Variants in CSMD3 observed in about 807,000 individuals in gnomAD.
The protein encoded by CSMD3 is CUB and Sushi multiple domains 3.
CSMD3 carries 177 observed loss-of-function variants against 435.2 expected under a neutral mutation model. That is an observed-to-expected ratio of 0.41 (90% CI 0.36 to 0.46). The LOEUF is 0.46. CSMD3 is among the 20% of genes least tolerant of loss of function. The probability of loss-of-function intolerance (pLI) is 0.34; values close to 1 mark genes in which losing one functional copy is unlikely to be tolerated. For missense variants in CSMD3, 4,265 were observed against 4,504.6 expected (o/e 0.95, Z 1.52); for synonymous variants, 1,656 against 1,520.5 (o/e 1.09, Z -2.07).
chr8:112,881,674 A>G (rs2081451648), intron 10 of CSMD3, among the ~76,000 whole-genome samples: 1 of 152,004 alleles, frequency 6.6e-6, no homozygotes, highest in Non-Finnish European at 1.5e-5. Flanking sequence ...ATAATAGCCA[A>G]CCGTTTCCCA....
chr8:112,680,283 G>GGGC (rs1380056591), intron 16 of CSMD3, among the ~76,000 whole-genome samples: 1 of 152,150 alleles, frequency 6.6e-6, no homozygotes, highest in East Asian at 1.9e-4. Flanking sequence ...TCTTGAACCC[G>GGGC]GGCGGCGGAG....
At chr8:112,508,324 A>G (rs142920936) in intron 28 of CSMD3, among the ~76,000 whole-genome samples, 1 of 152,314 alleles carries the variant, frequency 6.6e-6, no homozygotes, top group East Asian at 1.9e-4. Flanking sequence ...CTCACTTATC[A>G]TGACCTAGAT....
intron 22 of CSMD3, among the ~76,000 whole-genome samples, chr8:112,596,079 TAA>T (rs1324469496): frequency 1.3e-5 from 2 of 151,148 alleles, no homozygotes; most frequent in African/African-American, 4.9e-5. Flanking sequence ...GCAAATTGGA[TAA>T]AGAGTCAAGA....
At position 112,617,484 on chromosome 8, in the gene CSMD3, A is replaced by T. The variant is rs185446393; in HGVS notation, c.3715+19333T>A. ...AAAACAAACCACAATAGCTAAAAAT[A>T]TTCAAGCACATTAGTAAAGTACATG... is the stretch of plus-strand genomic sequence containing the variant. On this transcript the variant is annotated intron_variant, in intron 22 of 70. Transcript: ENST00000297405. Among the ~76,000 whole-genome samples the T allele has an allele frequency of 1.8e-3, 275 of 152,316 alleles. 1 individual carries two copies. Among genetic ancestry groups the T allele is most frequent in the Middle Eastern group, 0.014 (4 of 294 alleles).
intron 13 of CSMD3, among the ~76,000 whole-genome samples, chr8:112,784,592 G>T (rs2078488567): frequency 1.3e-5 from 2 of 151,908 alleles, no homozygotes; most frequent in Admixed American, 1.3e-4. Flanking sequence ...TATTACAACT[G>T]ATACCACAGA....
At position 113,153,170 on chromosome 8, in the gene CSMD3, GGAAA is replaced by G. The variant is rs1157118972; in HGVS notation, c.709+20548_709+20551del. 1.7e-3 allele frequency among the ~76,000 whole-genome samples: 236 copies of G among 136,730 alleles called. 4 individuals carry two copies. The highest frequency in any genetic ancestry group is 1.1e-3 in the Non-Finnish European group (72 of 64,076). The allele number at this position is 136,730 out of a possible 152,430, so 89.7% of individuals were successfully genotyped here. A position where few individuals can be genotyped will look rare whatever the true frequency, so the allele number is the denominator to read the frequency against. ...AGGAAGGAAGGAAGGAAGGAAGGAA[GGAAA>G]GAAGGAAGGGAGGGAAGGAGGAAGG... On this transcript the variant is annotated intron_variant, in intron 4 of 70. Coordinates refer to ENST00000297405, the MANE Select transcript of CSMD3 (RefSeq NM_198123.2).
intron 5 of CSMD3, among the ~76,000 whole-genome samples, chr8:113,054,188 T>C (rs2131338145): frequency 6.6e-6 from 1 of 152,308 alleles, no homozygotes; most frequent in East Asian, 1.9e-4. Flanking sequence ...AAAATTATTA[T>C]TTCTCTTTTC....
chr8:112,353,936 G>A (rs2131298), intron 38 of CSMD3, among the ~76,000 whole-genome samples: 11 of 151,822 alleles, frequency 7.2e-5, no homozygotes, highest in Admixed American at 1.3e-4. Flanking sequence ...AACACAGTTC[G>A]TAAAATCCTC....
intron 32 of CSMD3, among the ~76,000 whole-genome samples, chr8:112,425,889 C>T (rs929959625): frequency 1.3e-5 from 2 of 151,872 alleles, no homozygotes; most frequent in African/African-American, 2.4e-5. Flanking sequence ...GTCATACATT[C>T]GTTACATAAG....
chr8:113,153,246 G>C (rs2091867137), intron 4 of CSMD3, among the ~76,000 whole-genome samples: 1 of 149,560 alleles, frequency 6.7e-6, no homozygotes, highest in African/African-American at 2.5e-5. Flanking sequence ...AGAAAGAAGA[G>C]AGAAAGAAAG....
intron 24 of CSMD3, among the ~76,000 whole-genome samples, chr8:112,569,513 G>A (rs768865503): frequency 1.7e-4 from 26 of 152,020 alleles, no homozygotes; most frequent in Non-Finnish European, 3.1e-4. Context: ...GAAATAAAAC[G>A]CACTTTAAAG....
chr8:113,409,819 A>T (rs2094549975), intron 1 of CSMD3, among the ~76,000 whole-genome samples: 1 of 152,084 alleles, frequency 6.6e-6, no homozygotes, highest in South Asian at 2.1e-4. Flanking sequence ...GGCTACAACA[A>T]AAAGAATGCT....
intron 1 of CSMD3, among the ~76,000 whole-genome samples, chr8:113,350,219 C>T (rs1173669270): frequency 2.6e-5 from 4 of 151,706 alleles, no homozygotes; most frequent in African/African-American, 9.7e-5. Flanking sequence ...CCCAGACAGC[C>T]CAGAGAATGG....
At chr8:113,246,270 TTTC>T (rs776303546) in intron 3 of CSMD3, among the ~76,000 whole-genome samples, 8 of 152,074 alleles carry the variant, frequency 5.3e-5, no homozygotes, top group Non-Finnish European at 1.2e-4. Flanking sequence ...ATCTTTTGTC[TTTC>T]AAGTTTCACA....
rs536201530 is a variant in CSMD3, at chr8:112,629,032, G to A, written c.3715+7785C>T. ...GTTTGGTTTAAGGAAAAAGGCACAA[G>A]AATGAAGATTAGAGTGCTGTTTAAA... On this transcript the variant is annotated intron_variant, in intron 22 of 70. Coordinates refer to ENST00000297405, the MANE Select transcript of CSMD3 (RefSeq NM_198123.2). Among the ~76,000 whole-genome samples the A allele has an allele frequency of 2.6e-5, 4 of 152,248 alleles. No homozygotes were observed. The South Asian group carries it at 8.3e-4, about 32-fold the overall frequency.
chr8:112,227,707 A>G lies in CSMD3; in HGVS notation c.10964+1049T>C, dbSNP rs185118439. 1.3e-4 allele frequency among the ~76,000 whole-genome samples: 20 copies of G among 152,292 alleles called. No homozygotes were observed. In the East Asian group the frequency reaches 3.7e-3, roughly 28 times the overall value. On this transcript the variant is annotated intron_variant, in intron 70 of 70. Coordinates refer to ENST00000297405, the MANE Select transcript of CSMD3 (RefSeq NM_198123.2). ...TAATTCACACTCAGTACACATTTAT[A>G]TAATATTAAATAAATCATTCTTAGA...
intron 50 of CSMD3, among the ~76,000 whole-genome samples, chr8:112,307,124 T>G (rs1480917842): frequency 6.6e-6 from 1 of 151,962 alleles, no homozygotes; most frequent in Non-Finnish European, 1.5e-5. Context: ...TCAGGTTTTT[T>G]GTTTTTTGTT....
At chr8:112,310,903 T>C (rs1346422122) in intron 50 of CSMD3, 75 bp downstream of exon 50, 12 of 1,231,002 alleles carry the variant, frequency 9.7e-6, no homozygotes, top group Non-Finnish European at 1.3e-5. Context: ...GAAAAGTTAG[T>C]GATCCAAATA....
rs5894145 is a variant in CSMD3, at chr8:113,378,762, AGTGT to A, written c.178+57911_178+57914del. On this transcript the variant is annotated intron_variant, in intron 1 of 70. Coordinates refer to ENST00000297405, the MANE Select transcript of CSMD3 (RefSeq NM_198123.2). Reference sequence around the variant, plus strand: ...AAAACAATTTTGATTGTCACACTGAAGTGTGTGTGTGTGTGTGTGTGTGTGTGTG... The same window carrying A: ...AAAACAATTTTGATTGTCACACTGAAGTGTGTGTGTGTGTGTGTGTGTGTG... Among the ~76,000 whole-genome samples the A allele has an allele frequency of 6.1e-5, 9 of 148,266 alleles. 1 individual carries two copies. The highest frequency in any genetic ancestry group is 4.0e-4 in the Admixed American group (6 of 14,888).
Sources: allele counts gnomAD v4.1 joint callset (sites outside exome capture counted in the v4.1 genomes callset), GRCh38; gene constraint gnomAD v4.1.1; transcripts MANE v1.5; gene names NCBI Gene and HGNC (gene_info 2026-07-23, HGNC 2026-07-21).